The following DGKK variants were observed in gnomAD, a reference collection of about 807,000 sequenced individuals.
DGKK encodes diacylglycerol kinase kappa, also known as 142 kDa diacylglycerol kinase.
Under a neutral mutation model 92.2 loss-of-function variants are expected in DGKK, and 35 were observed. The observed-to-expected ratio is 0.38, with a 90% confidence interval of 0.29 to 0.50. The LOEUF is 0.50. DGKK is among the 20% of genes least tolerant of loss of function. The pLI is 0.92. For missense variants in DGKK, 910 were observed against 992.2 expected (o/e 0.92, Z 1.11); for synonymous variants, 368 against 360.6 (o/e 1.02, Z -0.23).
At chrX:50,390,220 G>T in intron 12 of DGKK, 108 bp downstream of exon 12, 1 of 686,966 alleles carries the variant, frequency 1.5e-6, no homozygotes, top group Non-Finnish European at 2.3e-6. Context: ...AACTCTCAAT[G>T]ATCTCATCCT....
intron 1 of DGKK, among the ~76,000 whole-genome samples, chrX:50,426,596 C>T (rs1385022451): frequency 9.0e-6 from 1 of 111,084 alleles, no homozygotes; most frequent in Non-Finnish European, 1.9e-5. Context: ...TAGCCACCCT[C>T]AACTCAGGGG....
intron 4 of DGKK, among the ~76,000 whole-genome samples, chrX:50,409,904 T>C (rs782759622): frequency 9.0e-6 from 1 of 111,312 alleles, no homozygotes; most frequent in Non-Finnish European, 1.9e-5. Flanking sequence ...TTTTCCACCA[T>C]ATGAAGACAC....
At chrX:50,434,599 C>G (rs1925971660) in intron 1 of DGKK, among the ~76,000 whole-genome samples, 1 of 110,494 alleles carries the variant, frequency 9.1e-6, no homozygotes, top group South Asian at 4.0e-4. Flanking sequence ...AGCCATGGAC[C>G]AGTGATATCT....
At chrX:50,463,435 C>A (rs1926813002) in intron 1 of DGKK, among the ~76,000 whole-genome samples, 1 of 103,982 alleles carries the variant, frequency 9.6e-6, no homozygotes, top group South Asian at 4.8e-4. Context: ...TTTTTCCTCT[C>A]CCTATCTCAG....
intron 4 of DGKK, among the ~76,000 whole-genome samples, chrX:50,411,696 T>C (rs1468867910): frequency 8.9e-6 from 1 of 111,996 alleles, no homozygotes; most frequent in Non-Finnish European, 1.9e-5. Flanking sequence ...TTTCAAATTC[T>C]GATAATTGTC....
At chrX:50,390,470 G>C (rs1924659336) in intron 11 of DGKK, 61 bp from the exon 12 acceptor site, 1 of 1,055,894 alleles carries the variant, frequency 9.5e-7, no homozygotes, top group Admixed American at 2.2e-5. Context: ...AAAAATTAGT[G>C]CTTCAAAGGT....
chrX:50,444,876 C>T (rs1926253503), intron 1 of DGKK, among the ~76,000 whole-genome samples: 1 of 110,802 alleles, frequency 9.0e-6, no homozygotes, highest in African/African-American at 3.3e-5. Context: ...CACACTGCTT[C>T]CCACAATGGT....
rs1286268452 is a variant in DGKK at position 50,419,585 on chromosome X, C to T, written c.942+818G>A. Among the ~76,000 whole-genome samples the T allele has an allele frequency of 1.4e-4, 16 of 112,077 alleles. 1 individual carries two copies. Among genetic ancestry groups the T allele is most frequent in the African/African-American group, 5.2e-4 (16 of 30,873 alleles). ...GATGAACCATGTATCATTCTCTGTC[C>T]AAATTCTGGTTCCAAGATTTCCTGC... On this transcript the variant is annotated intron_variant, in intron 4 of 27. Coordinates refer to ENST00000611977, the MANE Select transcript of DGKK (RefSeq NM_001013742.4).
At chrX:50,403,448 A>C in intron 6 of DGKK, 43 bp downstream of exon 6, 1 of 1,112,301 alleles carries the variant, frequency 9.0e-7, no homozygotes, top group Non-Finnish European at 1.2e-6. Context: ...GTTGAAGGGG[A>C]CATGGGAGAG....
chrX:50,382,218 T>C (rs782459476), intron 18 of DGKK, among the ~76,000 whole-genome samples: 1 of 112,262 alleles, frequency 8.9e-6, no homozygotes, highest in Non-Finnish European at 1.9e-5. Context: ...CTAAATTGAG[T>C]CAACATAATC....
intron 13 of DGKK, among the ~76,000 whole-genome samples, chrX:50,388,063 C>T (rs1924594255): frequency 8.9e-6 from 1 of 112,259 alleles, no homozygotes; most frequent in Non-Finnish European, 1.9e-5. Flanking sequence ...AAGTTTTTCT[C>T]AAAGGAGAGT....
At chrX:50,422,360 T>C in intron 3 of DGKK, 86 bp downstream of exon 3, 1 of 768,403 alleles carries the variant, frequency 1.3e-6, no homozygotes, top group South Asian at 3.5e-5. Flanking sequence ...AACCTGAAGT[T>C]CAAAGAAGCA....
intron 1 of DGKK, among the ~76,000 whole-genome samples, chrX:50,451,634 G>A (rs1354298829): frequency 9.0e-6 from 1 of 111,315 alleles, no homozygotes; most frequent in Non-Finnish European, 1.9e-5. Flanking sequence ...TGAAAACTCA[G>A]GAAATCCTAC....
At chrX:50,393,432 A>G in intron 8 of DGKK, 97 bp from the exon 9 acceptor site, 1 of 678,105 alleles carries the variant, frequency 1.5e-6, no homozygotes. Context: ...TAACTTTTTG[A>G]GTATGAGTCT....
intron 22 of DGKK, among the ~76,000 whole-genome samples, 188 bp downstream of exon 22, chrX:50,377,910 C>T (rs1373432919): frequency 1.8e-5 from 2 of 110,973 alleles, no homozygotes; most frequent in Non-Finnish European, 3.8e-5. Context: ...AACTATGCAA[C>T]CCTATGTGGT....
chrX:50,447,357 A>ATTATATAT (rs59456316), intron 1 of DGKK, among the ~76,000 whole-genome samples: 1 of 8,159 alleles, frequency 1.2e-4, no homozygotes, highest in African/African-American at 6.7e-4. Context: ...ATATATATAT[A>ATTATATAT]ATATATATAT....
intron 1 of DGKK, among the ~76,000 whole-genome samples, chrX:50,445,580 C>T (rs782387127): frequency 4.5e-5 from 5 of 111,123 alleles, no homozygotes; most frequent in Non-Finnish European, 9.5e-5. Flanking sequence ...TGTAGAAAAT[C>T]AGATGGTTAT....
chrX:50,368,752 A>G lies in DGKK; in HGVS notation c.*188T>C, dbSNP rs1285067465. On this transcript the variant is annotated 3_prime_UTR_variant, in exon 28 of 28. Transcript: ENST00000611977. ...AACTCGGAACAAGAACCTTTGGCCA[A>G]TGAGGAAATGTAAACCTCTAAGGAG... is the stretch of plus-strand genomic sequence containing the variant. The G allele has an allele frequency of 2.5e-6, 1 of 396,476 alleles. No homozygotes were observed. 32.7% of individuals were successfully genotyped at this position (396,476 alleles called of 1,213,427 possible).
At chrX:50,417,261 T>A (rs1355240682) in intron 4 of DGKK, among the ~76,000 whole-genome samples, 1 of 110,092 alleles carries the variant, frequency 9.1e-6, no homozygotes, top group Non-Finnish European at 1.9e-5. Context: ...TGTTGGAAAG[T>A]TATTTCAACT....
Sources: allele counts gnomAD v4.1 joint callset (sites outside exome capture counted in the v4.1 genomes callset), GRCh38; gene constraint gnomAD v4.1.1; transcripts MANE v1.5; gene names NCBI Gene and HGNC (gene_info 2026-07-23, HGNC 2026-07-21).